The following DLG2 variants were observed in gnomAD, a reference collection of about 807,000 sequenced individuals.
The protein encoded by DLG2 is disks large homolog 2.
DLG2 carries 45 observed loss-of-function variants against 132.5 expected under a neutral mutation model. That is an observed-to-expected ratio of 0.34 (90% CI 0.27 to 0.44). The LOEUF (loss-of-function observed/expected upper bound fraction) is 0.44. DLG2 is among the 20% of genes least tolerant of loss of function. DLG2 has a pLI of 1.00. For synonymous variants in DLG2, 424 were observed against 419.6 expected, an observed-to-expected ratio of 1.01 and a Z score of -0.13; for missense variants, 1,045 against 1,196.9, an observed-to-expected ratio of 0.87 and a Z score of 1.87.
intron 7 of DLG2, among the ~76,000 whole-genome samples, chr11:84,382,994 A>G (rs1187758807): frequency 6.6e-6 from 1 of 151,558 alleles, no homozygotes; most frequent in Non-Finnish European, 1.5e-5. Flanking sequence ...ACCTCCTTCC[A>G]TCTGTCCTCC....
At chr11:85,332,366 ACC>A (rs1325022790) in intron 3 of DLG2, among the ~76,000 whole-genome samples, 1 of 151,956 alleles carries the variant, frequency 6.6e-6, no homozygotes, top group African/African-American at 2.4e-5. Context: ...TGGCTATTAG[ACC>A]TCTGTTGAAT....
intron 4 of DLG2, among the ~76,000 whole-genome samples, chr11:85,196,623 C>T (rs1441763642): frequency 2.0e-5 from 3 of 152,154 alleles, no homozygotes; most frequent in Non-Finnish European, 4.4e-5. Flanking sequence ...ACAAGTTGGC[C>T]TTAGCACACT....
At position 84,484,752 on chromosome 11, in the gene DLG2, G is replaced by C. The variant is rs532400875; in HGVS notation, c.519+49818C>G. On this transcript the variant is annotated intron_variant, in intron 7 of 27. Coordinates refer to ENST00000376104, the MANE Select transcript of DLG2 (RefSeq NM_001142699.3). ...TCCTGGAGCTTGATAAGTTCAAAAA[G>C]GAAACTCTCCCATTTGAATAATCTT... Among the ~76,000 whole-genome samples, 5 of 152,168 alleles carry C rather than the reference G, an allele frequency of 3.3e-5. No homozygotes were observed. In the East Asian group the frequency reaches 9.7e-4, roughly 29 times the overall value.
chr11:83,560,991 A>G (rs2096600214), intron 19 of DLG2, among the ~76,000 whole-genome samples: 2 of 117,386 alleles, frequency 1.7e-5, no homozygotes, highest in African/African-American at 7.0e-5. Context: ...CTTCTAGGGA[A>G]ACCTCAGGAA....
chr11:84,914,387 T>C (rs2092322938), intron 6 of DLG2, among the ~76,000 whole-genome samples: 1 of 152,208 alleles, frequency 6.6e-6, no homozygotes, highest in Admixed American at 6.5e-5. Context: ...ACAATATCAC[T>C]TCATCGTGGG....
intron 6 of DLG2, among the ~76,000 whole-genome samples, chr11:84,813,067 C>A (rs561086703): frequency 6.6e-5 from 10 of 152,192 alleles, no homozygotes; most frequent in African/African-American, 2.4e-4. Context: ...CTTAAAAAGG[C>A]TTCTAGATCC....
At chr11:84,803,663 C>A (rs985664169) in intron 6 of DLG2, among the ~76,000 whole-genome samples, 1 of 152,120 alleles carries the variant, frequency 6.6e-6, no homozygotes, top group Non-Finnish European at 1.5e-5. Context: ...TATAAATGTG[C>A]CTTTAGGTTT....
intron 6 of DLG2, among the ~76,000 whole-genome samples, chr11:84,643,744 TAGTTGGCAGAAC>T (rs2099671039): frequency 6.6e-6 from 1 of 152,162 alleles, no homozygotes; most frequent in South Asian, 2.1e-4. Context: ...TTTCTTTCAC[TAGTTGGCAGAAC>T]AGCAAAAATG....
chr11:85,494,173 GT>G (rs2093622358), intron 3 of DLG2, among the ~76,000 whole-genome samples: 2 of 152,156 alleles, frequency 1.3e-5, no homozygotes, highest in Admixed American at 1.3e-4. Flanking sequence ...TGGGGATTAA[GT>G]TTCAACATGA....
At chr11:84,160,068 A>G (rs1400909688) in intron 9 of DLG2, among the ~76,000 whole-genome samples, 1 of 152,162 alleles carries the variant, frequency 6.6e-6, no homozygotes, top group African/African-American at 2.4e-5. Flanking sequence ...AGAGATGCCA[A>G]CTGCACAGTT....
intron 6 of DLG2, among the ~76,000 whole-genome samples, chr11:84,993,861 A>T (rs2057381269): frequency 6.6e-6 from 1 of 152,048 alleles, no homozygotes; most frequent in Non-Finnish European, 1.5e-5. Flanking sequence ...CTATCAGTGT[A>T]CGTTTATTCA....
intron 3 of DLG2, among the ~76,000 whole-genome samples, chr11:85,491,763 G>C (rs770425631): frequency 1.3e-5 from 2 of 152,064 alleles, no homozygotes; most frequent in Non-Finnish European, 2.9e-5. Flanking sequence ...CAAATAAATA[G>C]AGAGATATCC....
chr11:85,430,148 A>T (rs1290883194), intron 3 of DLG2, among the ~76,000 whole-genome samples: 1 of 149,660 alleles, frequency 6.7e-6, no homozygotes, highest in African/African-American at 2.5e-5. Flanking sequence ...TCATAGGTGG[A>T]AATTGAACAA....
chr11:83,939,120 A>G (rs931850188), intron 14 of DLG2, among the ~76,000 whole-genome samples: 1 of 152,188 alleles, frequency 6.6e-6, no homozygotes, highest in Non-Finnish European at 1.5e-5. Flanking sequence ...CTGCTTTTCA[A>G]TTAAACATTC....
At chr11:83,738,255 A>G (rs2092168628) in intron 18 of DLG2, among the ~76,000 whole-genome samples, 1 of 152,136 alleles carries the variant, frequency 6.6e-6, no homozygotes, top group African/African-American at 2.4e-5. Flanking sequence ...CACATCAGCA[A>G]CCACTCACTG....
chr11:85,248,478 A>G (rs2076243290), intron 4 of DLG2, among the ~76,000 whole-genome samples: 1 of 152,072 alleles, frequency 6.6e-6, no homozygotes, highest in Non-Finnish European at 1.5e-5. Flanking sequence ...CTTCAAAGTC[A>G]AAACAAAACT....
At chr11:83,823,739 T>C (rs1473090500) in intron 17 of DLG2, among the ~76,000 whole-genome samples, 1 of 152,166 alleles carries the variant, frequency 6.6e-6, no homozygotes, top group Non-Finnish European at 1.5e-5. Flanking sequence ...CAGAGATGAA[T>C]AAAACACAGT....
chr11:83,803,584 C>G (rs538501622), intron 17 of DLG2, among the ~76,000 whole-genome samples: 63 of 152,210 alleles, frequency 4.1e-4, no homozygotes, highest in African/African-American at 1.5e-3. Context: ...AGGAATTTGT[C>G]TAAATAGTAT....
intron 4 of DLG2, among the ~76,000 whole-genome samples, chr11:85,270,002 A>G (rs2077428315): frequency 6.6e-6 from 1 of 152,234 alleles, no homozygotes; most frequent in Non-Finnish European, 1.5e-5. Context: ...GGGCCAGATA[A>G]GTGTTAGCTA....
Sources: gnomAD v4.1 joint callset for allele counts (sites outside exome capture counted in the v4.1 genomes callset) on GRCh38, gnomAD v4.1.1 for gene constraint, MANE v1.5 for transcripts, NCBI Gene and HGNC (gene_info 2026-07-23, HGNC 2026-07-21) for gene names.